CDC42SE2: variants seen among roughly 807,000 people sequenced by gnomAD.
CDC42SE2 encodes the protein CDC42 small effector protein 2.
A neutral mutation model predicts 11.5 loss-of-function variants in CDC42SE2; 3 were observed. The observed-to-expected ratio is 0.26, with a 90% CI of 0.12 to 0.67. The LOEUF (loss-of-function observed/expected upper bound fraction) is 0.67. CDC42SE2 is among the 30% of genes least tolerant of loss of function. The pLI, the probability that CDC42SE2 is intolerant of heterozygous loss-of-function variation, is 0.80. For synonymous variants in CDC42SE2, 33 were observed against 34.8 expected, an observed-to-expected ratio of 0.95 and a Z score of 0.18; for missense variants, 82 against 106.8, an observed-to-expected ratio of 0.77 and a Z score of 1.02.
intron 1 of CDC42SE2, among the ~76,000 whole-genome samples, chr5:131,284,969 A>G (rs991572848): frequency 7.9e-5 from 12 of 151,962 alleles, no homozygotes; most frequent in African/African-American, 2.9e-4. Flanking sequence ...AGCCTGGACA[A>G]CATAATGAGA....
At chr5:131,373,839 G>A (rs1750077235) in intron 3 of CDC42SE2, among the ~76,000 whole-genome samples, 1 of 152,164 alleles carries the variant, frequency 6.6e-6, no homozygotes, top group Non-Finnish European at 1.5e-5. Context: ...AAGAAACGAT[G>A]CTTGGAAATA....
chr5:131,297,461 T>G (rs1353488483), intron 1 of CDC42SE2, among the ~76,000 whole-genome samples: 4 of 152,168 alleles, frequency 2.6e-5, no homozygotes, highest in Admixed American at 2.6e-4. Flanking sequence ...GGCTCACCCC[T>G]GTAATCCCAG....
At chr5:131,250,605 T>G (rs890428586) in intron 1 of CDC42SE2, among the ~76,000 whole-genome samples, 7 of 152,014 alleles carry the variant, frequency 4.6e-5, no homozygotes, top group Non-Finnish European at 1.5e-5. Flanking sequence ...GAAAAAGAAA[T>G]GAATAGGTGG....
intron 2 of CDC42SE2, among the ~76,000 whole-genome samples, chr5:131,351,176 C>T (rs1287090036): frequency 6.6e-6 from 1 of 152,038 alleles, no homozygotes; most frequent in African/African-American, 2.4e-5. Flanking sequence ...TCTTGAACTC[C>T]TGAGCTCCAG....
chr5:131,277,031 C>T (rs1757115953), intron 1 of CDC42SE2, among the ~76,000 whole-genome samples: 2 of 152,148 alleles, frequency 1.3e-5, no homozygotes, highest in African/African-American at 4.8e-5. Context: ...TGAGCCACCG[C>T]ACTTGGCGAC....
intron 2 of CDC42SE2, among the ~76,000 whole-genome samples, chr5:131,334,492 G>A (rs1580760656): frequency 6.6e-6 from 1 of 152,146 alleles, no homozygotes; most frequent in East Asian, 1.9e-4. Flanking sequence ...AATGAGTTAG[G>A]GAGGATTCCC....
intron 1 of CDC42SE2, among the ~76,000 whole-genome samples, chr5:131,301,152 A>G (rs1757670607): frequency 3.3e-5 from 5 of 152,174 alleles, no homozygotes; most frequent in Admixed American, 3.3e-4. Flanking sequence ...GGGTGTGTAT[A>G]TGTGTTTTAA....
At chr5:131,247,297 A>C (rs557399369) in intron 1 of CDC42SE2, among the ~76,000 whole-genome samples, 80 of 152,352 alleles carry the variant, frequency 5.3e-4, no homozygotes, top group African/African-American at 1.8e-3. Flanking sequence ...TCAACAGATT[A>C]AAATAGAAAT....
intron 2 of CDC42SE2, among the ~76,000 whole-genome samples, chr5:131,349,883 T>A (rs561585058): frequency 1.3e-5 from 2 of 152,314 alleles, no homozygotes; most frequent in South Asian, 4.1e-4. Flanking sequence ...AAGGTAGGGT[T>A]AATGGGTGAT....
chr5:131,373,258 A>G (rs1412619150), intron 3 of CDC42SE2, among the ~76,000 whole-genome samples: 1 of 152,200 alleles, frequency 6.6e-6, no homozygotes, highest in East Asian at 1.9e-4. Flanking sequence ...AAAGAAAAAG[A>G]GAGTGAAGAG....
At chr5:131,348,772 T>G (rs1437737057) in intron 2 of CDC42SE2, among the ~76,000 whole-genome samples, 1 of 152,168 alleles carries the variant, frequency 6.6e-6, no homozygotes, top group East Asian at 1.9e-4. Context: ...CAAAACAGCA[T>G]GGTACTGGTA....
chr5:131,237,469 C>T, the CDC42SE2 span, among the ~76,000 whole-genome samples: 3 of 152,264 alleles, frequency 2.0e-5, no homozygotes, highest in East Asian at 3.9e-4. Flanking sequence ...TATTTTGCAA[C>T]GTCCATATTT....
chr5:131,268,760 T>TC (rs1047695516), intron 1 of CDC42SE2, among the ~76,000 whole-genome samples: 2 of 145,364 alleles, frequency 1.4e-5, no homozygotes, highest in African/African-American at 5.2e-5. Context: ...ATTGCTTTTT[T>TC]TTTTTTTTTT....
At chr5:131,230,706 G>T in the CDC42SE2 span, among the ~76,000 whole-genome samples, 1 of 152,306 alleles carries the variant, frequency 6.6e-6, no homozygotes, top group Admixed American at 6.5e-5. Context: ...ATGCAGGAAA[G>T]AAACCGAAAA....
At chr5:131,332,334 A>G (rs1366000532) in intron 2 of CDC42SE2, among the ~76,000 whole-genome samples, 2 of 152,208 alleles carry the variant, frequency 1.3e-5, no homozygotes, top group African/African-American at 4.8e-5. Flanking sequence ...TCCACGGTGT[A>G]TATGTGCCAC....
chr5:131,312,524 T>C (rs1039200735), intron 1 of CDC42SE2, among the ~76,000 whole-genome samples: 1 of 152,140 alleles, frequency 6.6e-6, no homozygotes, highest in Admixed American at 6.5e-5. Flanking sequence ...CAATGGTGGG[T>C]GCCCCTCCCC....
chr5:131,330,347 A>T (rs1048665521), intron 2 of CDC42SE2, among the ~76,000 whole-genome samples: 8 of 152,202 alleles, frequency 5.3e-5, no homozygotes, highest in Middle Eastern at 3.2e-3. Flanking sequence ...TTGGAGGAAT[A>T]ACCAAGAATA....
rs1580794686 is a variant in CDC42SE2, at chr5:131,391,913, A to AAAAG, written c.*825_*828dup. On this transcript the variant is annotated 3_prime_UTR_variant, in exon 5 of 5. Coordinates refer to ENST00000505065, the MANE Select transcript of CDC42SE2 (RefSeq NM_001375635.1). The stretch of plus-strand genomic sequence containing the variant: ...TGATTGCTTTTATTTTGAATTACAA[A>AAAAG]AAAGAAGTGTGATGGCACCTTGTCC... 6.6e-6 allele frequency: 1 copy of AAAAG among 152,308 alleles called. No individual in the cohort carries two copies. The highest frequency in any genetic ancestry group is 2.4e-5 in the African/African-American group (1 of 41,442). The allele number at this position is 152,308 out of a possible 1,614,324, so 9.4% of individuals were successfully genotyped here.
chr5:131,360,737 C>A (rs951648629), intron 3 of CDC42SE2, among the ~76,000 whole-genome samples: 1 of 152,020 alleles, frequency 6.6e-6, no homozygotes, highest in Non-Finnish European at 1.5e-5. Flanking sequence ...TTTGTAACAA[C>A]GTAAGAGGAA....
Sources: gnomAD v4.1 joint callset for allele counts (sites outside exome capture counted in the v4.1 genomes callset) on GRCh38, gnomAD v4.1.1 for gene constraint, MANE v1.5 for transcripts, NCBI Gene and HGNC (gene_info 2026-07-23, HGNC 2026-07-21) for gene names.